Variants in SDK2 observed in about 807,000 individuals in gnomAD.
SDK2 encodes sidekick cell adhesion molecule 2.
A neutral mutation model predicts 253.9 loss-of-function variants in SDK2; 105 were observed. The observed-to-expected ratio is 0.41, with a 90% confidence interval of 0.35 to 0.49. The LOEUF (loss-of-function observed/expected upper bound fraction) is 0.49, where lower values mean the gene tolerates loss of function less well. Among genes scored for constraint, SDK2 ranks in the 20% least tolerant of loss-of-function variants. The pLI is 0.06. For synonymous variants in SDK2, 1,249 were observed against 1,234.9 expected, an observed-to-expected ratio of 1.01 and a Z score of -0.24; for missense variants, 2,608 against 3,003.0, an observed-to-expected ratio of 0.87 and a Z score of 3.07.
intron 1 of SDK2, among the ~76,000 whole-genome samples, chr17:73,563,191 A>T (rs2045263859): frequency 6.6e-6 from 1 of 152,226 alleles, no homozygotes. Context: ...TTCTCTTCGA[A>T]CCAGAAATAT....
At chr17:73,521,390 T>C (rs1467079122) in intron 1 of SDK2, 1 of 151,902 alleles carries the variant, frequency 6.6e-6, no homozygotes, top group Non-Finnish European at 1.5e-5. Flanking sequence ...TAAAAAAAAA[T>C]AAAAAACATA....
intron 36 of SDK2, chr17:73,369,191 G>T (rs1040266478): frequency 2.1e-6 from 1 of 470,542 alleles, no homozygotes; most frequent in East Asian, 6.9e-5. Context: ...ACTTAGTACA[G>T]TTCCTGGAGG....
At chr17:73,396,639 T>C (rs2062973114) in intron 24 of SDK2, among the ~76,000 whole-genome samples, 1 of 152,214 alleles carries the variant, frequency 6.6e-6, no homozygotes, top group Non-Finnish European at 1.5e-5. Context: ...GGAAAGGTAA[T>C]GGACCACGCA....
At chr17:73,576,916 G>T (rs1024514045) in intron 1 of SDK2, among the ~76,000 whole-genome samples, 1 of 152,122 alleles carries the variant, frequency 6.6e-6, no homozygotes, top group Non-Finnish European at 1.5e-5. Flanking sequence ...GATTACCAAG[G>T]CCCCCAGGAT....
chr17:73,458,537 C>T (rs1599585784), intron 3 of SDK2, among the ~76,000 whole-genome samples: 2 of 152,348 alleles, frequency 1.3e-5, no homozygotes, highest in South Asian at 2.1e-4. Context: ...CCCTTGGCAG[C>T]TTCACTTGGC....
At chr17:73,401,786 C>A in intron 19 of SDK2, 34 bp from the exon 20 acceptor site, 1 of 1,531,502 alleles carries the variant, frequency 6.5e-7, no homozygotes, top group Non-Finnish European at 8.9e-7. Context: ...CCCCCCAAGG[C>A]CAGTTAGAGC....
intron 12 of SDK2, among the ~76,000 whole-genome samples, chr17:73,429,744 T>C (rs2063311392): frequency 6.6e-6 from 1 of 152,208 alleles, no homozygotes; most frequent in South Asian, 2.1e-4. Flanking sequence ...CCCTCAGCAT[T>C]CTGGAGCTCA....
chr17:73,590,537 G>A (rs2045666480), intron 1 of SDK2, among the ~76,000 whole-genome samples: 1 of 152,202 alleles, frequency 6.6e-6, no homozygotes, highest in Non-Finnish European at 1.5e-5. Flanking sequence ...GGCACACCTG[G>A]GGAAAATACA....
intron 2 of SDK2, among the ~76,000 whole-genome samples, chr17:73,492,478 G>T (rs1244561736): frequency 2.0e-5 from 3 of 152,114 alleles, no homozygotes; most frequent in African/African-American, 7.2e-5. Flanking sequence ...TCATTCTGCA[G>T]AAAGAACAGC....
intron 2 of SDK2, among the ~76,000 whole-genome samples, chr17:73,498,563 C>T (rs904768541): frequency 6.6e-6 from 1 of 152,224 alleles, no homozygotes; most frequent in Non-Finnish European, 1.5e-5. Flanking sequence ...GCTGTTCCTT[C>T]ACCAGGCTTG....
chr17:73,544,544 A>G (rs140648835), intron 1 of SDK2, among the ~76,000 whole-genome samples: 19 of 152,356 alleles, frequency 1.2e-4, no homozygotes, highest in Middle Eastern at 3.4e-3. Flanking sequence ...ATGGATAAAC[A>G]GATGGATGGA....
intron 1 of SDK2, among the ~76,000 whole-genome samples, chr17:73,595,705 G>T (rs181393680): frequency 2.0e-5 from 3 of 152,312 alleles, no homozygotes; most frequent in Admixed American, 2.0e-4. Context: ...GACCCACTGG[G>T]AACCAGCATG....
chr17:73,433,886 G>T, intron 9 of SDK2, 38 bp from the exon 10 acceptor site: 1 of 1,400,196 alleles, frequency 7.1e-7, no homozygotes, highest in Non-Finnish European at 9.6e-7. Flanking sequence ...GCCACACCCT[G>T]GGAGATGTCC....
intron 1 of SDK2, among the ~76,000 whole-genome samples, chr17:73,526,079 G>A (rs1297678027): frequency 1.3e-5 from 2 of 152,214 alleles, no homozygotes; most frequent in African/African-American, 2.4e-5. Context: ...GGACCGTAAT[G>A]GCCCTGGGGA....
intron 25 of SDK2, among the ~76,000 whole-genome samples, chr17:73,394,740 G>A (rs893743212): frequency 9.9e-5 from 15 of 152,164 alleles, no homozygotes; most frequent in African/African-American, 3.4e-4. Flanking sequence ...ACATTCTGTG[G>A]GTCACCCCTG....
chr17:73,358,084 G>A lies in SDK2; in HGVS notation c.5588C>T (p.Pro1863Leu). 6.2e-7 allele frequency: 1 copy of A among 1,613,046 alleles called. No individual in the cohort carries two copies. Among genetic ancestry groups the A allele is most frequent in the South Asian group, 1.1e-5 (1 of 91,050 alleles). ...PITRYVIEARPSDEGLWDILI... is the reference protein window; with the variant it reads ...PITRYVIEARLSDEGLWDILI... ...CCCAGCAGGGCGGGGCGCACCTGAA[G>A]GTCTGGCCTCGATGACGTAGCGGGT... Residue 1863 changes from proline to leucine, a missense_variant, in exon 40 of 45, where the codon CCT becomes CTT. Transcript: ENST00000392650.
At chr17:73,404,742 G>A (rs2063056976) in intron 18 of SDK2, among the ~76,000 whole-genome samples, 2 of 152,176 alleles carry the variant, frequency 1.3e-5, no homozygotes, top group Non-Finnish European at 2.9e-5. Flanking sequence ...TAGGTCCTTA[G>A]TCTCAGGTTC....
chr17:73,601,111 C>A (rs936833102), intron 1 of SDK2, among the ~76,000 whole-genome samples: 1 of 151,968 alleles, frequency 6.6e-6, no homozygotes, highest in Non-Finnish European at 1.5e-5. Context: ...CCTCCGCCTC[C>A]CAGGTTCAAA....
Position 73,606,352 on chromosome 17 carries a change from G to A in SDK2, c.64+37673C>T, listed in dbSNP as rs182236438. On this transcript the variant is annotated intron_variant, in intron 1 of 44. Coordinates refer to ENST00000392650, the MANE Select transcript of SDK2 (RefSeq NM_001144952.2). ...GAAAGATGGATGGGGCAGGGGCTCT[G>A]GGTGGTCTGCTGAGCCCCTCCTCTG... Among the ~76,000 whole-genome samples, 3 of 152,132 alleles carry A rather than the reference G, an allele frequency of 2.0e-5. No homozygotes were observed. In the East Asian group the frequency reaches 5.8e-4, roughly 29 times the overall value.
Sources: gnomAD v4.1 joint callset for allele counts (sites outside exome capture counted in the v4.1 genomes callset) on GRCh38, gnomAD v4.1.1 for gene constraint, MANE v1.5 for transcripts, NCBI Gene and HGNC (gene_info 2026-07-23, HGNC 2026-07-21) for gene names.